GNAI1: variants seen among roughly 807,000 people sequenced by gnomAD.
GNAI1 encodes G protein subunit alpha i1.
In GNAI1, 11 loss-of-function variants were observed where a neutral mutation model predicts 38.9. The observed-to-expected ratio is 0.28, with a 90% CI of 0.18 to 0.47. The LOEUF (loss-of-function observed/expected upper bound fraction) is 0.47, where lower values mean the gene tolerates loss of function less well. Among genes scored for constraint, GNAI1 ranks in the 20% least tolerant of loss-of-function variants. The pLI is 0.99. For missense variants in GNAI1, 317 were observed against 436.9 expected (o/e 0.73, Z 2.45); for synonymous variants, 166 against 145.1 (o/e 1.14, Z -1.04).
At chr7:80,148,840 A>C (rs1787674708) in intron 1 of GNAI1, among the ~76,000 whole-genome samples, 1 of 152,100 alleles carries the variant, frequency 6.6e-6, no homozygotes, top group Non-Finnish European at 1.5e-5. Flanking sequence ...TATTTGATGG[A>C]ACTTTTGAGG....
intron 1 of GNAI1, among the ~76,000 whole-genome samples, chr7:80,163,781 G>A (rs1787963810): frequency 6.6e-6 from 1 of 152,072 alleles, no homozygotes; most frequent in South Asian, 2.1e-4. Context: ...TAAACTGGAG[G>A]CCAGCCTTGT....
Position 80,222,910 on chromosome 7 carries a change from C to T in GNAI1, c.*5417C>T, listed in dbSNP as rs144410537. On this transcript the variant is annotated 3_prime_UTR_variant, in exon 8 of 8. Coordinates refer to ENST00000649796, the MANE Select transcript of GNAI1 (RefSeq NM_002069.6). ...AATGCATTTAATACACCTAACCTAC[C>T]AAATGTAGCTTAGCCTGGCCTAACT... 2.9e-4 allele frequency among the ~76,000 whole-genome samples: 44 copies of T among 152,104 alleles called. No individual in the cohort carries two copies. The highest frequency in any genetic ancestry group is 6.5e-4 in the Admixed American group (10 of 15,288).
chr7:80,196,170 C>T (rs1227123494), intron 3 of GNAI1, among the ~76,000 whole-genome samples: 1 of 152,008 alleles, frequency 6.6e-6, no homozygotes, highest in Non-Finnish European at 1.5e-5. Context: ...TTTCTGAGTT[C>T]TCAGAGCACA....
chr7:80,148,155 G>T (rs1787660491), intron 1 of GNAI1, among the ~76,000 whole-genome samples: 2 of 152,134 alleles, frequency 1.3e-5, no homozygotes, highest in African/African-American at 4.8e-5. Flanking sequence ...GTCAGGTTGA[G>T]TTTTACTGCT....
intron 3 of GNAI1, among the ~76,000 whole-genome samples, chr7:80,197,106 C>T (rs967652827): frequency 6.6e-6 from 1 of 151,682 alleles, no homozygotes; most frequent in Non-Finnish European, 1.5e-5. Flanking sequence ...TCTCCTCCCC[C>T]ACCCCATAAC....
intron 1 of GNAI1, among the ~76,000 whole-genome samples, chr7:80,176,249 T>TA (rs1249165942): frequency 1.3e-5 from 2 of 152,290 alleles, no homozygotes; most frequent in Admixed American, 1.3e-4. Flanking sequence ...AAGCCGTATC[T>TA]AGGCCCTACC....
chr7:80,190,105 T>C (rs1788455949), intron 3 of GNAI1, among the ~76,000 whole-genome samples: 1 of 152,082 alleles, frequency 6.6e-6, no homozygotes, highest in East Asian at 1.9e-4. Flanking sequence ...ATTTTGTGTA[T>C]AGAGACTATA....
intron 1 of GNAI1, among the ~76,000 whole-genome samples, chr7:80,149,304 A>G (rs944950133): frequency 1.3e-5 from 2 of 152,132 alleles, no homozygotes; most frequent in East Asian, 3.9e-4. Context: ...GTCATGTACT[A>G]TGCTGGAACT....
chr7:80,145,513 T>C (rs909893500), intron 1 of GNAI1, among the ~76,000 whole-genome samples: 1 of 152,184 alleles, frequency 6.6e-6, no homozygotes, highest in Non-Finnish European at 1.5e-5. Context: ...TTTTATCCAG[T>C]TGGTAATAAC....
At chr7:80,181,830 T>C (rs1788299440) in intron 1 of GNAI1, among the ~76,000 whole-genome samples, 1 of 151,562 alleles carries the variant, frequency 6.6e-6, no homozygotes, top group African/African-American at 2.4e-5. Flanking sequence ...ACGTAAATAA[T>C]TAAGTCAGGC....
chr7:80,137,751 C>G (rs1169688651), intron 1 of GNAI1, among the ~76,000 whole-genome samples: 2 of 152,190 alleles, frequency 1.3e-5, no homozygotes, highest in Non-Finnish European at 2.9e-5. Context: ...CCCTACCTCT[C>G]TCCTCTCTGG....
At chr7:80,193,500 G>A (rs1023360306) in intron 3 of GNAI1, among the ~76,000 whole-genome samples, 1 of 152,144 alleles carries the variant, frequency 6.6e-6, no homozygotes, top group African/African-American at 2.4e-5. Flanking sequence ...CGTAGAATGA[G>A]GATAGTCCAT....
intron 6 of GNAI1, among the ~76,000 whole-genome samples, chr7:80,211,736 T>C (rs951024367): frequency 1.2e-4 from 19 of 152,138 alleles, no homozygotes; most frequent in Non-Finnish European, 2.5e-4. Context: ...CTTTAATATA[T>C]GTTATGCTTT....
intron 3 of GNAI1, among the ~76,000 whole-genome samples, chr7:80,190,776 A>C (rs1298975469): frequency 6.6e-6 from 1 of 152,186 alleles, no homozygotes; most frequent in Non-Finnish European, 1.5e-5. Context: ...TTACGAAAGA[A>C]AAAAGCGTTG....
At chr7:80,166,425 C>T (rs1350680427) in intron 1 of GNAI1, among the ~76,000 whole-genome samples, 3 of 152,008 alleles carry the variant, frequency 2.0e-5, no homozygotes, top group Non-Finnish European at 4.4e-5. Context: ...TTAGATTGTT[C>T]TCATTTTAGC....
At chr7:80,163,964 T>A (rs2116136662) in intron 1 of GNAI1, among the ~76,000 whole-genome samples, 1 of 148,952 alleles carries the variant, frequency 6.7e-6, no homozygotes, top group South Asian at 2.1e-4. Flanking sequence ...AACTGGTGCT[T>A]TCTTTTTTTT....
intron 1 of GNAI1, among the ~76,000 whole-genome samples, chr7:80,182,104 T>A (rs2115605475): frequency 6.6e-6 from 1 of 152,318 alleles, no homozygotes; most frequent in East Asian, 1.9e-4. Context: ...TGACTTTTTT[T>A]AGATTCTACA....
At chr7:80,214,449 G>A (rs1364546112) in intron 7 of GNAI1, among the ~76,000 whole-genome samples, 1 of 152,112 alleles carries the variant, frequency 6.6e-6, no homozygotes, top group Non-Finnish European at 1.5e-5. Flanking sequence ...TATACCTACG[G>A]GGATTTTAGA....
At chr7:80,172,960 T>G (rs1474264106) in intron 1 of GNAI1, among the ~76,000 whole-genome samples, 1 of 152,196 alleles carries the variant, frequency 6.6e-6, no homozygotes, top group Non-Finnish European at 1.5e-5. Context: ...CAATAACCAG[T>G]GTCCTTCAGC....
Sources: allele counts gnomAD v4.1 joint callset (sites outside exome capture counted in the v4.1 genomes callset), GRCh38; gene constraint gnomAD v4.1.1; transcripts MANE v1.5; gene names NCBI Gene and HGNC (gene_info 2026-07-23, HGNC 2026-07-21).